CPED1: variants seen among roughly 807,000 people sequenced by gnomAD.
The protein encoded by CPED1 is cadherin like and PC-esterase domain containing 1.
In CPED1, 114 loss-of-function variants were observed where a neutral mutation model predicts 128.2. The ratio of observed to expected loss-of-function variants is 0.89; its 90% CI spans 0.76 to 1.04. CPED1 has a LOEUF of 1.04. CPED1 is among the 50% of genes least tolerant of loss of function. The pLI, the probability that CPED1 is intolerant of heterozygous loss-of-function variation, is 0.00. For synonymous variants in CPED1, 462 were observed against 426.7 expected (o/e 1.08, Z -1.02); for missense variants, 1,211 against 1,207.1 (o/e 1.00, Z -0.05).
At chr7:121,267,757 G>A (rs1792158489) in intron 21 of CPED1, among the ~76,000 whole-genome samples, 1 of 152,000 alleles carries the variant, frequency 6.6e-6, no homozygotes. Context: ...GGATCTGTAG[G>A]GACGAGAACC....
intron 4 of CPED1, among the ~76,000 whole-genome samples, chr7:121,047,428 G>C (rs905420951): frequency 1.3e-5 from 2 of 151,818 alleles, no homozygotes; most frequent in African/African-American, 2.4e-5. Context: ...TTTATATCGT[G>C]TGAACTTTTG....
chr7:121,140,901 A>G lies in CPED1; in HGVS notation c.1774A>G (p.Lys592Glu), dbSNP rs201058417. 27 of 1,612,150 alleles carry G rather than the reference A, an allele frequency of 1.7e-5. No individual in the cohort carries two copies. In the South Asian group the frequency reaches 2.6e-4, roughly 16 times the overall value. The stretch of plus-strand genomic sequence containing the variant: ...GGAACTAAATCCTGACTTTCATCCA[A>G]AGATCAAAGATTATTACTGTGAAGT... ...HLELNPDFHP[K>E]IKDYYCEVPF... The change falls in exon 15 of 23, where the codon AAG (lysine) becomes GAG (glutamate). Residue 592 changes from lysine to glutamate, a missense_variant. By Grantham distance (56) the Lys-to-Glu change is moderately conservative. Transcript: ENST00000310396.
intron 16 of CPED1, among the ~76,000 whole-genome samples, chr7:121,219,839 TAAC>T (rs781655155): frequency 4.6e-4 from 70 of 152,182 alleles, no homozygotes; most frequent in Non-Finnish European, 8.1e-4. Context: ...TAAAACATAA[TAAC>T]ACCCAGCATT....
chr7:121,143,610 TAGAG>T (rs749403593), intron 16 of CPED1, among the ~76,000 whole-genome samples: 24 of 151,968 alleles, frequency 1.6e-4, no homozygotes, highest in East Asian at 3.9e-4. Flanking sequence ...AACAAAAACT[TAGAG>T]GGAGGTGTGC....
chr7:121,186,296 A>G (rs947346319), intron 16 of CPED1, among the ~76,000 whole-genome samples: 21 of 152,154 alleles, frequency 1.4e-4, no homozygotes, highest in Admixed American at 1.2e-3. Context: ...CATTGTATGC[A>G]TGGGAATTTA....
At chr7:121,122,190 C>T (rs1174906467) in intron 7 of CPED1, among the ~76,000 whole-genome samples, 1 of 137,242 alleles carries the variant, frequency 7.3e-6, no homozygotes, top group African/African-American at 2.8e-5. Flanking sequence ...ACCCAGGCTG[C>T]AGTGCATTGG....
rs777289094 is a variant in CPED1 at position 121,266,266 on chromosome 7, T to C, written c.2350T>C (p.Tyr784His). 1.9e-6 allele frequency: 3 copies of C among 1,612,974 alleles called. No individual in the cohort carries two copies. The highest frequency in any genetic ancestry group is 2.2e-5 in the East Asian group (1 of 44,836). The change falls in exon 19 of 23, where the codon TAC becomes CAC. Residue 784 changes from tyrosine to histidine, a missense_variant. Coordinates refer to ENST00000310396, the MANE Select transcript of CPED1 (RefSeq NM_024913.5). ...IGDSTNRGIM[Y>H]YLIERLNETL... is the part of the protein sequence containing the mutation. The stretch of plus-strand genomic sequence containing the variant: ...AGATTCAACCAACAGAGGGATCATG[T>C]ACTATCTTATTGAAAGGCTGAATGA...
chr7:121,052,055 T>G (rs1048788383), intron 4 of CPED1: 1 of 152,498 alleles, frequency 6.6e-6, no homozygotes, highest in East Asian at 1.9e-4. Context: ...TCCACGTACT[T>G]AGAAACAGTG....
At chr7:120,997,193 G>A (rs936889961) in intron 2 of CPED1, among the ~76,000 whole-genome samples, 1 of 152,210 alleles carries the variant, frequency 6.6e-6, no homozygotes, top group Non-Finnish European at 1.5e-5. Flanking sequence ...TCCATAAGTG[G>A]ATGTGTGCTT....
chr7:121,272,314 C>T (rs945230028), intron 22 of CPED1, among the ~76,000 whole-genome samples: 3 of 152,076 alleles, frequency 2.0e-5, no homozygotes, highest in Non-Finnish European at 4.4e-5. Flanking sequence ...ATGCTAAGGA[C>T]AAGAAGAGTC....
chr7:121,207,315 T>C (rs1223671430), intron 16 of CPED1, among the ~76,000 whole-genome samples: 1 of 152,062 alleles, frequency 6.6e-6, no homozygotes, highest in Non-Finnish European at 1.5e-5. Flanking sequence ...TTTAATATGC[T>C]CTGCTAATTA....
rs552273296 is a variant in CPED1 at position 121,072,900 on chromosome 7, C to A, written c.616+8587C>A. ...AAGAGTATCTTCAGAGTGAAGTCTA[C>A]CTAATTGGCTAAGATAGATTTACAC... On this transcript the variant is annotated intron_variant, in intron 5 of 22. Coordinates refer to ENST00000310396, the MANE Select transcript of CPED1 (RefSeq NM_024913.5). Among the ~76,000 whole-genome samples the A allele has an allele frequency of 2.6e-5, 4 of 152,240 alleles. No individual in the cohort carries two copies. The South Asian group carries it at 8.3e-4, about 32-fold the overall frequency.
chr7:121,144,989 G>A (rs988775193), intron 16 of CPED1, among the ~76,000 whole-genome samples: 20 of 151,822 alleles, frequency 1.3e-4, no homozygotes, highest in Non-Finnish European at 1.5e-5. Context: ...GGAATTTTTT[G>A]GGCAAATGTC....
chr7:121,271,189 G>C, intron 21 of CPED1, 95 bp from the exon 22 acceptor site: 1 of 995,490 alleles, frequency 1.0e-6, no homozygotes, highest in Non-Finnish European at 1.5e-6. Context: ...ACTAATCCCA[G>C]TAAAAAAGAC....
intron 16 of CPED1, among the ~76,000 whole-genome samples, chr7:121,186,547 A>G (rs1216718948): frequency 1.3e-5 from 2 of 152,252 alleles, no homozygotes; most frequent in African/African-American, 4.8e-5. Context: ...TCCAACACAT[A>G]GGGCACTATA....
intron 7 of CPED1, among the ~76,000 whole-genome samples, chr7:121,123,682 T>C (rs10281743): frequency 0.024 from 3,650 of 152,238 alleles, 172 homozygotes; most frequent in African/African-American, 0.083. Context: ...TGAGCTTCAT[T>C]CCCCCTTTTT....
intron 18 of CPED1, among the ~76,000 whole-genome samples, chr7:121,249,984 A>G (rs985328081): frequency 6.6e-6 from 1 of 152,232 alleles, no homozygotes; most frequent in African/African-American, 2.4e-5. Flanking sequence ...ATAGACGTCT[A>G]CAGAACTCTC....
chr7:121,273,499 G>T (rs572211558), intron 22 of CPED1, among the ~76,000 whole-genome samples: 156 of 151,746 alleles, frequency 1.0e-3, no homozygotes, highest in Non-Finnish European at 1.6e-3. Context: ...CTCCAGCCTG[G>T]GTGACACAGC....
At chr7:121,043,986 G>A (rs1174631059) in intron 3 of CPED1, among the ~76,000 whole-genome samples, 2 of 152,138 alleles carry the variant, frequency 1.3e-5, no homozygotes, top group African/African-American at 2.4e-5. Context: ...TGGCTCCAAA[G>A]CCCCGCAATA....
Sources: allele counts gnomAD v4.1 joint callset (sites outside exome capture counted in the v4.1 genomes callset), GRCh38; gene constraint gnomAD v4.1.1; transcripts MANE v1.5; gene names NCBI Gene and HGNC (gene_info 2026-07-23, HGNC 2026-07-21).